Variants in SI observed in about 807,000 individuals in gnomAD.
SI encodes the protein sucrase-isomaltase.
A neutral mutation model predicts 253.3 loss-of-function variants in SI; 235 were observed. The ratio of observed to expected loss-of-function variants is 0.93; its 90% CI spans 0.83 to 1.03. The LOEUF is 1.03. SI is among the 50% of genes least tolerant of loss of function. SI has a pLI of 0.00. For synonymous variants in SI, 819 were observed against 712.0 expected, an observed-to-expected ratio of 1.15 and a Z score of -2.39; for missense variants, 2,442 against 2,211.1, an observed-to-expected ratio of 1.10 and a Z score of -2.09.
chr3:165,029,591 T>G, intron 25 of SI, among the ~76,000 whole-genome samples: 1 of 145,532 alleles, frequency 6.9e-6, no homozygotes, highest in South Asian at 2.1e-4. Context: ...CATATATATG[T>G]ATATATATAC....
At chr3:165,023,889 T>C (rs187002357) in intron 25 of SI, 113 bp from the exon 26 acceptor site, 51 of 780,368 alleles carry the variant, frequency 6.5e-5, no homozygotes, top group African/African-American at 3.5e-4. Flanking sequence ...GTTTCATTAA[T>C]ACAAAAATGA....
intron 21 of SI, among the ~76,000 whole-genome samples, chr3:165,036,850 T>A (rs900601977): frequency 6.6e-6 from 1 of 151,768 alleles, no homozygotes; most frequent in African/African-American, 2.4e-5. Flanking sequence ...ATGTATTAAG[T>A]CTACATCTTA....
intron 16 of SI, among the ~76,000 whole-genome samples, chr3:165,046,456 A>C (rs532687031): frequency 6.6e-6 from 1 of 152,144 alleles, no homozygotes; most frequent in South Asian, 2.1e-4. Flanking sequence ...TATCTTTTAA[A>C]ATCTAAACTG....
At chr3:165,067,914 T>G (rs1255161630) in intron 5 of SI, among the ~76,000 whole-genome samples, 1 of 151,614 alleles carries the variant, frequency 6.6e-6, no homozygotes, top group Admixed American at 6.6e-5. Context: ...TTATAGAAAC[T>G]AAAAAGAAGC....
At chr3:165,061,510 A>C (rs931930290) in intron 9 of SI, among the ~76,000 whole-genome samples, 2 of 151,998 alleles carry the variant, frequency 1.3e-5, no homozygotes, top group African/African-American at 4.8e-5. Flanking sequence ...CTCTCATTTC[A>C]GCTTTTTGGA....
chr3:165,089,974 AG>A, the SI span, among the ~76,000 whole-genome samples: 1 of 152,140 alleles, frequency 6.6e-6, no homozygotes, highest in South Asian at 2.1e-4. Context: ...CAGAGCAAGA[AG>A]GTGGAAAATG....
chr3:164,983,715 G>T (rs1163102842), intron 45 of SI, among the ~76,000 whole-genome samples: 1 of 151,932 alleles, frequency 6.6e-6, no homozygotes, highest in Non-Finnish European at 1.5e-5. Context: ...TCAGCCTCCT[G>T]AGTGGCTGGA....
the SI span, among the ~76,000 whole-genome samples, chr3:165,085,350 C>T: frequency 2.6e-5 from 4 of 152,088 alleles, no homozygotes; most frequent in Admixed American, 6.6e-5. Flanking sequence ...ATCTCCAAGA[C>T]GTGGACCTTT....
At chr3:165,009,458 T>G in intron 34 of SI, 63 bp from the exon 35 acceptor site, 2 of 878,854 alleles carry the variant, frequency 2.3e-6, no homozygotes, top group Admixed American at 3.4e-5. Flanking sequence ...TACATATAAA[T>G]CTGAATGTAT....
intron 29 of SI, 29 bp downstream of exon 29, chr3:165,017,941 A>G (rs761554216): frequency 8.2e-6 from 13 of 1,584,562 alleles, no homozygotes; most frequent in Admixed American, 3.3e-5. Flanking sequence ...CACATAAAAT[A>G]AGAGACATTC....
Position 165,009,303 on chromosome 3 carries a change from C to A in SI, c.4155G>T (p.Lys1385Asn), listed in dbSNP as rs760213744. The change falls in exon 35 of 48, where the codon AAG becomes AAT. Residue 1385 changes from lysine to asparagine, a missense_variant. Coordinates refer to ENST00000264382, the MANE Select transcript of SI (RefSeq NM_001041.4). ...CAATCCACAAACCATCAAACTTCAT[C>A]TTTTCATTGTAAAAGTCCACAATTT... ...AREIVDFYNE[K>N]MKFDGLWIDM... 6.2e-7 allele frequency: 1 copy of A among 1,610,314 alleles called. No individual in the cohort carries two copies. The highest frequency in any genetic ancestry group is 8.5e-7 in the Non-Finnish European group (1 of 1,176,714).
intron 45 of SI, among the ~76,000 whole-genome samples, chr3:164,986,791 T>A (rs539447663): frequency 2.0e-5 from 3 of 152,296 alleles, no homozygotes; most frequent in South Asian, 4.1e-4. Context: ...ATAATGTGGT[T>A]ATTCAGCTAA....
In SI at chr3:165,068,749, A is replaced by AT; in HGVS notation, c.455dup (p.Asn152LysfsTer13). 2 of 1,613,720 alleles carry AT rather than the reference A, an allele frequency of 1.2e-6. No homozygotes were observed. Among genetic ancestry groups the AT allele is most frequent in the Non-Finnish European group, 1.7e-6 (2 of 1,179,654 alleles). On this transcript the variant is annotated frameshift_variant, in exon 5 of 48. Coordinates refer to ENST00000264382, the MANE Select transcript of SI (RefSeq NM_001041.4). LOFTEE classifies it high-confidence loss of function. ...TGAACCGGAAACGATTGGGTGTCTGATTTTGAGTTGTGAAGAGAACACTGT... is the reference window on the plus strand; with the variant it reads ...TGAACCGGAAACGATTGGGTGTCTGATTTTTGAGTTGTGAAGAGAACACTGT...
At chr3:165,078,937 T>G (rs1285020587), upstream of SI, among the ~76,000 whole-genome samples, 1 of 151,620 alleles carries the variant, frequency 6.6e-6, no homozygotes, top group Non-Finnish European at 1.5e-5. Context: ...TAAATAAAAA[T>G]TATTCCCTGT....
chr3:165,036,514 T>C (rs1282016401), intron 21 of SI, 37 bp from the exon 22 acceptor site: 2 of 1,391,096 alleles, frequency 1.4e-6, no homozygotes, highest in African/African-American at 2.8e-5. Context: ...TGGTTAAAAA[T>C]AAATCCATAA....
chr3:165,006,762 T>C, intron 37 of SI, 54 bp downstream of exon 37: 1 of 1,499,214 alleles, frequency 6.7e-7, no homozygotes. Context: ...TAACATTAAA[T>C]GTAAGAACCA....
chr3:165,004,632 C>A (rs562256653), intron 37 of SI, among the ~76,000 whole-genome samples: 1 of 152,082 alleles, frequency 6.6e-6, no homozygotes, highest in African/African-American at 2.4e-5. Flanking sequence ...AAAATCCTGT[C>A]ATTTGCAACG....
chr3:165,007,800 C>A (rs956574563), intron 36 of SI, 111 bp downstream of exon 36: 2 of 329,236 alleles, frequency 6.1e-6, no homozygotes, highest in Non-Finnish European at 1.1e-5. Flanking sequence ...CATATATATT[C>A]TATATATATA....
intron 25 of SI, among the ~76,000 whole-genome samples, chr3:165,027,806 G>A (rs551537153): frequency 6.0e-5 from 9 of 151,178 alleles, no homozygotes; most frequent in East Asian, 3.9e-4. Flanking sequence ...AATAAAAACC[G>A]TCTATGACAA....
Sources: gnomAD v4.1 joint callset for allele counts (sites outside exome capture counted in the v4.1 genomes callset) on GRCh38, gnomAD v4.1.1 for gene constraint, MANE v1.5 for transcripts, NCBI Gene and HGNC (gene_info 2026-07-23, HGNC 2026-07-21) for gene names.